The following BMAL1 variants were observed in gnomAD, a reference collection of about 807,000 sequenced individuals.
BMAL1 encodes the protein basic helix-loop-helix ARNT-like protein 1.
At chr11:13,323,293 G>A in the BMAL1 span, among the ~76,000 whole-genome samples, 697 of 152,238 alleles carry the variant, frequency 4.6e-3, no homozygotes, top group Non-Finnish European at 7.5e-3. Context: ...ATATTGGCAA[G>A]CCCCAAATCT....
chr11:13,283,605 C>G, the BMAL1 span, among the ~76,000 whole-genome samples: 1 of 152,120 alleles, frequency 6.6e-6, no homozygotes. Flanking sequence ...GGAAACACCC[C>G]GTTATATCCC....
chr11:13,360,889 G>A, the BMAL1 span, among the ~76,000 whole-genome samples: 3 of 152,176 alleles, frequency 2.0e-5, no homozygotes, highest in African/African-American at 4.8e-5. Context: ...AGGCCAAGAC[G>A]GGCAGATCAC....
the BMAL1 span, among the ~76,000 whole-genome samples, chr11:13,362,555 G>A: frequency 6.6e-6 from 1 of 151,982 alleles, no homozygotes; most frequent in East Asian, 1.9e-4. Context: ...ATTGTTCTAG[G>A]AACATCCAAA....
At chr11:13,360,554 T>TC in the BMAL1 span, 2 of 729,366 alleles carry the variant, frequency 2.7e-6, no homozygotes, top group Non-Finnish European at 4.5e-6. Context: ...CTCAGGTCCC[T>TC]CCCTTTATCT....
At chr11:13,330,916 CTG>C in the BMAL1 span, among the ~76,000 whole-genome samples, 1 of 152,122 alleles carries the variant, frequency 6.6e-6, no homozygotes, top group Non-Finnish European at 1.5e-5. Context: ...GCTTTTTTGC[CTG>C]TGTTGTCGTA....
At chr11:13,352,961 C>T in the BMAL1 span, among the ~76,000 whole-genome samples, 1 of 152,220 alleles carries the variant, frequency 6.6e-6, no homozygotes, top group South Asian at 2.1e-4. Flanking sequence ...CTTGTCAAGC[C>T]CTTTTCAAGG....
chr11:13,354,204 C>CCCCCCCCCAAACCCCCAACCCCCAA, the BMAL1 span: 1 of 846,094 alleles, frequency 1.2e-6, no homozygotes, highest in South Asian at 1.5e-5. Flanking sequence ...CCCCCGGCCC[C>CCCCCCCCCAAACCCCCAACCCCCAA]CCACCACCAA....
At chr11:13,378,829 G>A in the BMAL1 span, 1 of 206,520 alleles carries the variant, frequency 4.8e-6, no homozygotes, top group Non-Finnish European at 9.6e-6. Context: ...TTACTTTACA[G>A]GAATGCAGGA....
At chr11:13,279,824 G>C in the BMAL1 span, among the ~76,000 whole-genome samples, 1 of 152,222 alleles carries the variant, frequency 6.6e-6, no homozygotes, top group Non-Finnish European at 1.5e-5. Flanking sequence ...TGTAGATGCA[G>C]CCAGTGAATG....
the BMAL1 span, chr11:13,369,906 G>T: frequency 9.1e-7 from 1 of 1,101,198 alleles, no homozygotes; most frequent in Non-Finnish European, 1.3e-6. Flanking sequence ...GGACCCTGCA[G>T]TCCTCCCTAT....
the BMAL1 span, chr11:13,353,161 G>A: frequency 1.3e-5 from 2 of 152,366 alleles, no homozygotes; most frequent in East Asian, 3.9e-4. Context: ...TACAGTGGAA[G>A]AAAGGATATT....
chr11:13,334,625 G>T, the BMAL1 span, among the ~76,000 whole-genome samples: 2 of 151,836 alleles, frequency 1.3e-5, no homozygotes, highest in South Asian at 2.1e-4. Context: ...AAGGAGAGAG[G>T]TACCTAAGAA....
chr11:13,307,545 C>T, the BMAL1 span, among the ~76,000 whole-genome samples: 1 of 152,196 alleles, frequency 6.6e-6, no homozygotes, highest in Non-Finnish European at 1.5e-5. Context: ...GGAGGATTCC[C>T]CACTGCCACC....
chr11:13,354,615 T>C, the BMAL1 span: 1 of 878,812 alleles, frequency 1.1e-6, no homozygotes, highest in African/African-American at 1.7e-5. Context: ...TCCCCTAGTT[T>C]GTAAGCAAGA....
chr11:13,355,095 C>A, the BMAL1 span: 1 of 675,294 alleles, frequency 1.5e-6, no homozygotes, highest in Non-Finnish European at 2.5e-6. Context: ...TATTCAAAGG[C>A]ACATTTTGTT....
chr11:13,336,988 G>C, the BMAL1 span, among the ~76,000 whole-genome samples: 156 of 152,272 alleles, frequency 1.0e-3, no homozygotes, highest in African/African-American at 3.7e-3. Context: ...TTACTACTAA[G>C]TTTTATAGTT....
At chr11:13,372,084 A>G in the BMAL1 span, 1 of 1,572,938 alleles carries the variant, frequency 6.4e-7, no homozygotes, top group Non-Finnish European at 8.6e-7. Flanking sequence ...CCCTACCTAC[A>G]TCCCATCCCA....
At chr11:13,364,220 C>T in the BMAL1 span, among the ~76,000 whole-genome samples, 1 of 152,222 alleles carries the variant, frequency 6.6e-6, no homozygotes, top group South Asian at 2.1e-4. Context: ...TTACTTCCCC[C>T]TCACTGTCAT....
chr11:13,357,361 T>A, the BMAL1 span, among the ~76,000 whole-genome samples: 1 of 152,192 alleles, frequency 6.6e-6, no homozygotes, highest in African/African-American at 2.4e-5. The surrounding 1 kb of genome is among the most constrained non-coding windows in gnomAD (Gnocchi z 4.8). Context: ...AAGGCTCAAG[T>A]TTTTCCCCAG....
Sources: gnomAD v4.1 joint callset for allele counts (sites outside exome capture counted in the v4.1 genomes callset) on GRCh38, gnomAD v4.1.1 for gene constraint, Gnocchi (gnomAD v3.1) non-coding constraint, MANE v1.5 for transcripts, NCBI Gene and HGNC (gene_info 2026-07-23, HGNC 2026-07-21) for gene names.